Variants in CLEC6A observed in about 807,000 individuals in gnomAD.
CLEC6A encodes the protein C-type lectin domain containing 6A, also known as C-type lectin domain family 6 member A.
Under a neutral mutation model 25.7 loss-of-function variants are expected in CLEC6A, and 22 were observed. That is an observed-to-expected ratio of 0.85 (90% CI 0.61 to 1.22). CLEC6A has a LOEUF of 1.22. Ranked by LOEUF, CLEC6A falls within the 50% of genes most tolerant of loss-of-function variation. The pLI is 0.00. For missense variants in CLEC6A, 240 were observed against 236.8 expected, an observed-to-expected ratio of 1.01 and a Z score of -0.09; for synonymous variants, 92 against 76.7, an observed-to-expected ratio of 1.20 and a Z score of -1.04.
intron 3 of CLEC6A, among the ~76,000 whole-genome samples, chr12:8,465,239 G>A (rs1320221473): frequency 1.4e-5 from 1 of 69,602 alleles, no homozygotes; most frequent in Non-Finnish European, 2.7e-5. Flanking sequence ...AAACTCAATA[G>A]TGACTTTTTT....
chr12:8,465,743 C>A, intron 4 of CLEC6A, 114 bp downstream of exon 4: 1 of 824,302 alleles, frequency 1.2e-6, no homozygotes, highest in Non-Finnish European at 1.7e-6. Flanking sequence ...TTTCACATTA[C>A]TGGGTAACAG....
At position 8,476,105 on chromosome 12, in the gene CLEC6A, C is replaced by A; in HGVS notation, c.370-20C>A. 6.6e-7 allele frequency: 1 copy of A among 1,523,156 alleles called. No individual in the cohort carries two copies. The highest frequency in any genetic ancestry group is 9.1e-7 in the Non-Finnish European group (1 of 1,104,170). The allele number at this position is 1,523,156 out of a possible 1,614,324, so 94.4% of individuals were successfully genotyped here. ...CTGGAAATACCAAAGTCTTTGACTC[C>A]TTTTTTTTCCTTCATGCAGAATTTC... On this transcript the variant is annotated intron_variant, in intron 4 of 5. Coordinates refer to ENST00000382073, the MANE Select transcript of CLEC6A (RefSeq NM_001007033.2).
At chr12:8,464,348 G>C (rs200064976) in intron 3 of CLEC6A, among the ~76,000 whole-genome samples, 2 of 97,898 alleles carry the variant, frequency 2.0e-5, no homozygotes, top group Non-Finnish European at 4.2e-5. Flanking sequence ...TTTTTTTTTT[G>C]AGACGGAGTC....
chr12:8,468,816 C>A (rs1939869484), intron 4 of CLEC6A, among the ~76,000 whole-genome samples: 1 of 152,096 alleles, frequency 6.6e-6, no homozygotes, highest in Admixed American at 6.6e-5. Flanking sequence ...CTATGACAAA[C>A]CTACAGCCAA....
At chr12:8,462,695 C>G (rs1391296634) in intron 3 of CLEC6A, among the ~76,000 whole-genome samples, 19 of 149,258 alleles carry the variant, frequency 1.3e-4, no homozygotes, top group East Asian at 1.1e-3. Flanking sequence ...TGCCACATCC[C>G]CCTCTCTGAG....
chr12:8,456,717 G>C (rs766800102), intron 1 of CLEC6A, among the ~76,000 whole-genome samples: 1 of 152,320 alleles, frequency 6.6e-6, no homozygotes, highest in South Asian at 2.1e-4. Context: ...TAATGGTAAA[G>C]TCTGGAAAAT....
At chr12:8,473,513 T>C (rs1403934998) in intron 4 of CLEC6A, among the ~76,000 whole-genome samples, 1 of 152,208 alleles carries the variant, frequency 6.6e-6, no homozygotes, top group Non-Finnish European at 1.5e-5. Context: ...GTTTTTACTA[T>C]TGGAAATACC....
chr12:8,472,076 A>G, intron 4 of CLEC6A, among the ~76,000 whole-genome samples: 1 of 152,126 alleles, frequency 6.6e-6, no homozygotes, highest in East Asian at 1.9e-4. Context: ...TTAGGCATCA[A>G]AAAAACACCT....
At chr12:8,464,009 G>A (rs981897156) in intron 3 of CLEC6A, among the ~76,000 whole-genome samples, 2 of 152,044 alleles carry the variant, frequency 1.3e-5, no homozygotes, top group African/African-American at 4.8e-5. Context: ...AATTCAAATC[G>A]TATGTTAATA....
At position 8,476,220 on chromosome 12, in the gene CLEC6A, A is replaced by C; in HGVS notation, c.465A>C (p.Thr155=). The C allele has an allele frequency of 6.2e-7, 1 of 1,602,608 alleles. No individual in the cohort carries two copies. The highest frequency in any genetic ancestry group is 1.7e-4 in the Middle Eastern group (1 of 6,048). ...GNNNWQWIDK[T]PYEKNVRFWH... ...ATAATTGGCAATGGATTGATAAGAC[A>C]CCTTATGAGAAAAATGTCAGGTGAG... Residue 155 remains threonine, a synonymous_variant, in exon 5 of 6, where the codon ACA becomes ACC. Transcript: ENST00000382073.
chr12:8,463,045 C>A (rs1243387845), intron 3 of CLEC6A, among the ~76,000 whole-genome samples: 1 of 152,104 alleles, frequency 6.6e-6, no homozygotes, highest in East Asian at 1.9e-4. Flanking sequence ...AAAGTGTTAA[C>A]CCCCATCACC....
At chr12:8,456,235 G>A (rs1939673962) in intron 1 of CLEC6A, 93 bp downstream of exon 1, 1 of 1,260,678 alleles carries the variant, frequency 7.9e-7, no homozygotes, top group Non-Finnish European at 1.2e-6. Context: ...AGATTGAAGA[G>A]CTAGTGATTG....
intron 3 of CLEC6A, chr12:8,460,835 GC>G: frequency 1.0e-6 from 1 of 1,003,712 alleles, no homozygotes; most frequent in Non-Finnish European, 1.6e-6. Context: ...GGCCAAAAAC[GC>G]CCAGTTCCTA....
rs1421334817 is a variant in CLEC6A at position 8,456,131 on chromosome 12, C to T, written c.20C>T (p.Pro7Leu). ...TGCATAATGATGCAAGAGCAGCAAC[C>T]TCAAAGTACAGGTGAGTATTTCCTC... MMQEQQPQSTEKRGWLS... is the reference protein window; with the variant it reads MMQEQQLQSTEKRGWLS... The change falls in exon 1 of 6, where the codon CCT (proline) becomes CTT (leucine). Residue 7 changes from proline (P) to leucine (L), a missense_variant. Physicochemically the swap from Pro to Leu is moderately conservative, Grantham distance 98. Transcript: ENST00000382073. 1 of 1,613,622 alleles carries T rather than the reference C, an allele frequency of 6.2e-7. No individual in the cohort carries two copies. The highest frequency in any genetic ancestry group is 1.3e-5 in the African/African-American group (1 of 74,862).
intron 5 of CLEC6A, among the ~76,000 whole-genome samples, chr12:8,477,024 G>T (rs964610603): frequency 6.6e-6 from 1 of 152,086 alleles, no homozygotes; most frequent in South Asian, 2.1e-4. Context: ...CAGTAAGAAG[G>T]AAATTATTTA....
intron 3 of CLEC6A, among the ~76,000 whole-genome samples, chr12:8,465,079 A>G (rs1939812341): frequency 6.6e-6 from 1 of 152,226 alleles, no homozygotes. Flanking sequence ...CTCATAACCA[A>G]CTTGTGAATA....
chr12:8,469,279 C>G (rs1939874412), intron 4 of CLEC6A, among the ~76,000 whole-genome samples: 1 of 152,068 alleles, frequency 6.6e-6, no homozygotes, highest in Admixed American at 6.5e-5. Flanking sequence ...TGAAAGAAAT[C>G]ACAGATGACA....
intron 1 of CLEC6A, 122 bp downstream of exon 1, chr12:8,456,264 A>G: frequency 1.1e-6 from 1 of 876,632 alleles, no homozygotes; most frequent in Non-Finnish European, 1.8e-6. Context: ...TAGTAGACTC[A>G]AAGGAATTTG....
chr12:8,456,363 T>C (rs1939675027), intron 1 of CLEC6A, among the ~76,000 whole-genome samples: 1 of 152,202 alleles, frequency 6.6e-6, no homozygotes, highest in South Asian at 2.1e-4. Flanking sequence ...TACCAGATTT[T>C]ATTGATAGTT....
Sources: gnomAD v4.1 joint callset for allele counts (sites outside exome capture counted in the v4.1 genomes callset) on GRCh38, gnomAD v4.1.1 for gene constraint, MANE v1.5 for transcripts, NCBI Gene and HGNC (gene_info 2026-07-23, HGNC 2026-07-21) for gene names.